Variants in OSBPL2 observed in about 807,000 individuals in gnomAD.
OSBPL2 encodes oxysterol binding protein like 2, also known as oxysterol-binding protein-related protein 2.
OSBPL2 carries 18 observed loss-of-function variants against 58.4 expected under a neutral mutation model. That is an observed-to-expected ratio of 0.31 (90% confidence interval 0.21 to 0.46). The LOEUF (loss-of-function observed/expected upper bound fraction) is 0.46. Among genes scored for constraint, OSBPL2 ranks in the 20% least tolerant of loss-of-function variants. OSBPL2 has a pLI of 1.00. For missense variants in OSBPL2, 461 were observed against 616.5 expected (o/e 0.75, Z 2.67); for synonymous variants, 221 against 234.1 (o/e 0.94, Z 0.51).
In OSBPL2 at chr20:62,264,078, A is replaced by G. The variant is rs1981508944; in HGVS notation, c.258+387A>G. 2.6e-5 allele frequency among the ~76,000 whole-genome samples: 4 copies of G among 152,074 alleles called. No individual in the cohort carries two copies. In the South Asian group the frequency reaches 8.3e-4, roughly 32 times the overall value. ...GAGATTCCATCTCAAAAAAAAAAAA[A>G]AAAGAAAAAAAATGCACTCTCATGT... On this transcript the variant is annotated intron_variant, in intron 4 of 13. Transcript: ENST00000313733.
intron 1 of OSBPL2, among the ~76,000 whole-genome samples, chr20:62,253,506 T>A (rs947026914): frequency 6.6e-6 from 1 of 152,206 alleles, no homozygotes; most frequent in African/African-American, 2.4e-5. Flanking sequence ...TGAGAGCCCC[T>A]GGCGTAGCCT....
intron 1 of OSBPL2, among the ~76,000 whole-genome samples, chr20:62,255,751 C>T (rs1346464545): frequency 2.6e-5 from 4 of 152,028 alleles, no homozygotes; most frequent in African/African-American, 9.7e-5. Flanking sequence ...GTGATCCGCC[C>T]ACCTCAGCCT....
At chr20:62,260,674 A>G (rs1249728534) in intron 3 of OSBPL2, among the ~76,000 whole-genome samples, 1 of 151,996 alleles carries the variant, frequency 6.6e-6, no homozygotes, top group East Asian at 1.9e-4. Context: ...GAGTCCAGTG[A>G]CAGTGGCCAT....
intron 1 of OSBPL2, among the ~76,000 whole-genome samples, chr20:62,247,653 G>C (rs899515671): frequency 2.6e-5 from 4 of 151,818 alleles, no homozygotes; most frequent in East Asian, 3.9e-4. Context: ...GGGTCCTTAG[G>C]GTCCTTTCTT....
intron 13 of OSBPL2, among the ~76,000 whole-genome samples, chr20:62,292,399 C>T (rs1211909234): frequency 6.6e-6 from 1 of 152,186 alleles, no homozygotes; most frequent in Non-Finnish European, 1.5e-5. Context: ...AATTAAATCC[C>T]GTGTGCTGTG....
At position 62,272,077 on chromosome 20, in the gene OSBPL2, G is replaced by A. The variant is rs200344455; in HGVS notation, c.259-48G>A. On this transcript the variant is annotated intron_variant, in intron 4 of 13. Transcript: ENST00000313733. The stretch of plus-strand genomic sequence containing the variant: ...GAGCAGGGGCATCGGGCAGCCCAGC[G>A]GTGTCAGGAAGGCAGCAGTAACCAG... The A allele has an allele frequency of 3.3e-4, 536 of 1,608,176 alleles. 3 individuals are homozygous for A. The African/African-American group carries it at 6.4e-3, about 19-fold the overall frequency.
chr20:62,241,871 TC>T (rs1237020683), intron 1 of OSBPL2, among the ~76,000 whole-genome samples: 1 of 152,210 alleles, frequency 6.6e-6, no homozygotes, highest in Non-Finnish European at 1.5e-5. Flanking sequence ...TTGTCATACT[TC>T]CTGTTTGGGT....
At position 62,251,312 on chromosome 20, in the gene OSBPL2, G is replaced by A. The variant is rs910220750; in HGVS notation, c.-128-4745G>A. Among the ~76,000 whole-genome samples, 5 of 150,830 alleles carry A rather than the reference G, an allele frequency of 3.3e-5. No homozygotes were observed. The East Asian group carries it at 7.8e-4, about 24-fold the overall frequency. On this transcript the variant is annotated intron_variant, in intron 1 of 13. Coordinates refer to ENST00000313733, the MANE Select transcript of OSBPL2 (RefSeq NM_144498.4). ...CTCTTGATCCACCCGCCTTGGCCTC[G>A]CAAAGTGCTGGGATTACAGACAGGC...
At chr20:62,271,747 C>A in intron 4 of OSBPL2, 1 of 205,576 alleles carries the variant, frequency 4.9e-6, no homozygotes. Context: ...CCACCGTGCC[C>A]AGCCTGGGAC....
intron 2 of OSBPL2, among the ~76,000 whole-genome samples, chr20:62,259,506 T>C (rs1981152830): frequency 6.6e-6 from 1 of 152,196 alleles, no homozygotes; most frequent in Non-Finnish European, 1.5e-5. Context: ...GTGGTGCCTT[T>C]GCGTGCCACG....
chr20:62,242,791 G>T (rs936096832), intron 1 of OSBPL2: 3 of 152,582 alleles, frequency 2.0e-5, no homozygotes, highest in African/African-American at 4.8e-5. Context: ...TATCAAAGGC[G>T]CTGGGACTGC....
In OSBPL2 at chr20:62,295,253, T is replaced by A. The variant is rs1983795874; in HGVS notation, c.*1366T>A. ...AGGCGTGAGCCACTGCGCCTGGCCG[T>A]GACTGATTTTTTTTCATGTAGAATT... On this transcript the variant is annotated 3_prime_UTR_variant, in exon 14 of 14. Transcript: ENST00000313733. This position sits in a 1 kb window ranked among gnomAD's most constrained non-coding sequence, Gnocchi z 4.8. 1 of 151,748 alleles carries A rather than the reference T, an allele frequency of 6.6e-6. No individual in the cohort carries two copies. The highest frequency in any genetic ancestry group is 1.5e-5 in the Non-Finnish European group (1 of 67,734). 9.4% of individuals were successfully genotyped at this position (151,748 alleles called of 1,614,324 possible).
At chr20:62,278,228 TTG>T in intron 6 of OSBPL2, 3 of 177,504 alleles carry the variant, frequency 1.7e-5, no homozygotes, top group Non-Finnish European at 2.4e-5. Flanking sequence ...GATGTCATGT[TTG>T]TGTGTGTGTC....
Position 62,289,326 on chromosome 20 carries a change from C to T in OSBPL2, c.1245C>T (p.Asn415=), listed in dbSNP as rs1172721823. The T allele has an allele frequency of 4.3e-6, 7 of 1,612,542 alleles. No individual in the cohort carries two copies. In the South Asian group the frequency reaches 7.7e-5, roughly 18 times the overall value. The change falls in exon 12 of 14, where the codon AAC becomes AAT. Residue 415 remains asparagine, a synonymous_variant. Coordinates refer to ENST00000313733, the MANE Select transcript of OSBPL2 (RefSeq NM_144498.4). ...ACATCCGCGGCATGGAGAATGGCAACATGGGTGCGTCCACGCAGTCAGAGG... is the reference window on the plus strand; with the variant it reads ...ACATCCGCGGCATGGAGAATGGCAATATGGGTGCGTCCACGCAGTCAGAGG... The part of the protein sequence containing the change: ...RPDIRGMENG[N]MDLASQEKER...
At chr20:62,251,103 G>A (rs984832743) in intron 1 of OSBPL2, among the ~76,000 whole-genome samples, 12 of 141,596 alleles carry the variant, frequency 8.5e-5, no homozygotes, top group African/African-American at 3.2e-4. Flanking sequence ...GAGTGCAGTG[G>A]TGCGATCTCG....
chr20:62,283,919 T>C (rs1229559649), intron 9 of OSBPL2, 127 bp from the exon 10 acceptor site: 2 of 902,902 alleles, frequency 2.2e-6, no homozygotes, highest in Non-Finnish European at 3.4e-6. Context: ...TTCGCATTTA[T>C]GTCCAGAGAT....
Position 62,294,578 on chromosome 20 carries a change from A to G in OSBPL2, c.*691A>G, listed in dbSNP as rs925387461. 3.9e-5 allele frequency: 6 copies of G among 152,490 alleles called. No individual in the cohort carries two copies. The East Asian group carries it at 9.6e-4, about 24-fold the overall frequency. 9.4% of individuals were successfully genotyped at this position (152,490 alleles called of 1,614,324 possible). A position where few individuals can be genotyped will look rare whatever the true frequency, so the allele number is the denominator to read the frequency against. On this transcript the variant is annotated 3_prime_UTR_variant, in exon 14 of 14. Transcript: ENST00000313733. The stretch of plus-strand genomic sequence containing the variant: ...CCAAAATGAAGCATCCCCGTGACAA[A>G]CCAGAGTGGGCAGAAGCATCGAGAG...
intron 8 of OSBPL2, 101 bp from the exon 9 acceptor site, chr20:62,281,689 G>A (rs746524894): frequency 3.0e-5 from 24 of 808,522 alleles, no homozygotes; most frequent in Middle Eastern, 2.3e-4. Flanking sequence ...GTCACCCCCC[G>A]CCTGCCCCAG....
chr20:62,240,242 C>T (rs956956756), intron 1 of OSBPL2, among the ~76,000 whole-genome samples: 4 of 152,134 alleles, frequency 2.6e-5, no homozygotes, highest in African/African-American at 7.2e-5. Flanking sequence ...GGAACTTTGT[C>T]GGTGGCACTT....
Sources: allele counts gnomAD v4.1 joint callset (sites outside exome capture counted in the v4.1 genomes callset), GRCh38; gene constraint gnomAD v4.1.1; non-coding constraint Gnocchi (gnomAD v3.1); transcripts MANE v1.5; gene names NCBI Gene and HGNC (gene_info 2026-07-23, HGNC 2026-07-21).